Variants in PTPRN2 observed in about 807,000 individuals in gnomAD.
The protein encoded by PTPRN2 is protein tyrosine phosphatase receptor type N2.
A neutral mutation model predicts 118.8 loss-of-function variants in PTPRN2; 74 were observed. The observed-to-expected ratio is 0.62, with a 90% CI of 0.52 to 0.76. The LOEUF (loss-of-function observed/expected upper bound fraction) is 0.76. Ranked by LOEUF, PTPRN2 falls within the 30% of genes least tolerant of loss-of-function variation. The pLI, the probability that PTPRN2 is intolerant of heterozygous loss-of-function variation, is 0.00. For synonymous variants in PTPRN2, 641 were observed against 608.0 expected, an observed-to-expected ratio of 1.05 and a Z score of -0.80; for missense variants, 1,481 against 1,394.4, an observed-to-expected ratio of 1.06 and a Z score of -0.99.
intron 2 of PTPRN2, among the ~76,000 whole-genome samples, chr7:158,418,443 T>G: frequency 6.7e-6 from 1 of 150,238 alleles, no homozygotes; most frequent in South Asian, 2.1e-4. Context: ...ATGCTGTAGC[T>G]CTCAGTGTCC....
At chr7:158,382,402 C>A (rs769032448) in intron 2 of PTPRN2, among the ~76,000 whole-genome samples, 43 of 152,208 alleles carry the variant, frequency 2.8e-4, no homozygotes, top group Middle Eastern at 6.8e-3. Context: ...CCCATGAATG[C>A]GACTGTTCTC....
At chr7:158,183,681 G>T (rs1282434518) in intron 5 of PTPRN2, among the ~76,000 whole-genome samples, 1 of 152,178 alleles carries the variant, frequency 6.6e-6, no homozygotes, top group Non-Finnish European at 1.5e-5. Flanking sequence ...TAGGGTTAAG[G>T]TCCCGCCCCC....
chr7:157,744,910 C>G (rs1286723982), intron 12 of PTPRN2, among the ~76,000 whole-genome samples: 2 of 152,194 alleles, frequency 1.3e-5, no homozygotes, highest in East Asian at 1.9e-4. Flanking sequence ...GCACCCCAGT[C>G]CCCCGGCATC....
chr7:158,372,881 C>G (rs1810190281), intron 2 of PTPRN2, among the ~76,000 whole-genome samples: 1 of 152,206 alleles, frequency 6.6e-6, no homozygotes, highest in Non-Finnish European at 1.5e-5. Flanking sequence ...GATTCAGCAC[C>G]CAGGGTCCAA....
chr7:157,684,656 C>T lies in PTPRN2; in HGVS notation c.1789-1719G>A, dbSNP rs1425958625. Among the ~76,000 whole-genome samples the T allele has an allele frequency of 5.4e-5, 8 of 149,316 alleles. No individual in the cohort carries two copies. The East Asian group carries it at 1.4e-3, about 27-fold the overall frequency. Reference sequence around the variant, plus strand: ...CTTCCAGAAAGAAGTCACTCTAGAGCCGCGCGACCCAGCCCCAGAGTCCGC... The same window carrying T: ...CTTCCAGAAAGAAGTCACTCTAGAGTCGCGCGACCCAGCCCCAGAGTCCGC... On this transcript the variant is annotated intron_variant, in intron 12 of 22. Transcript: ENST00000389418.
intron 21 of PTPRN2, among the ~76,000 whole-genome samples, chr7:157,555,252 C>T (rs1798822459): frequency 6.6e-6 from 1 of 152,128 alleles, no homozygotes; most frequent in South Asian, 2.1e-4. Context: ...TGGTTAAATA[C>T]ATTTGTAAGA....
intron 2 of PTPRN2, among the ~76,000 whole-genome samples, chr7:158,441,271 T>A (rs1403141040): frequency 1.2e-5 from 1 of 84,990 alleles, no homozygotes; most frequent in Non-Finnish European, 3.0e-5. Flanking sequence ...ATGGTGATAG[T>A]GATGGTGATG....
rs372841660 is a variant in PTPRN2, at chr7:158,165,524, A to G, written c.910+1407T>C. ...ACATTCCTTCTATTTAAAAACTGCCATAACGGCTGCATGAACAAAGAAAGA... is the reference window on the plus strand; with the variant it reads ...ACATTCCTTCTATTTAAAAACTGCCGTAACGGCTGCATGAACAAAGAAAGA... On this transcript the variant is annotated intron_variant, in intron 6 of 22. Transcript: ENST00000389418. 1.9e-4 allele frequency among the ~76,000 whole-genome samples: 29 copies of G among 152,384 alleles called. 1 individual carries two copies. In the South Asian group the frequency reaches 4.6e-3, roughly 24 times the overall value.
chr7:158,387,634 C>T (rs1240051501), intron 2 of PTPRN2, among the ~76,000 whole-genome samples: 1 of 1,870 alleles, frequency 5.3e-4, no homozygotes, highest in Non-Finnish European at 1.3e-3. Flanking sequence ...CTGTGAGGCC[C>T]TGGGAAGACG....
At chr7:158,564,905 A>G (rs1235760472) in intron 1 of PTPRN2, among the ~76,000 whole-genome samples, 1 of 152,162 alleles carries the variant, frequency 6.6e-6, no homozygotes, top group East Asian at 1.9e-4. Context: ...ATCTAAGGAG[A>G]AATGTGCAAG....
chr7:157,551,783 G>C (rs1257633131), intron 21 of PTPRN2, among the ~76,000 whole-genome samples: 212 of 27,960 alleles, frequency 7.6e-3, no homozygotes, highest in Middle Eastern at 0.031. Context: ...CCCACAGCCA[G>C]CACGCACCCC....
chr7:158,277,083 G>A (rs10244848), intron 3 of PTPRN2, among the ~76,000 whole-genome samples: 1 of 152,068 alleles, frequency 6.6e-6, no homozygotes, highest in Non-Finnish European at 1.5e-5. Flanking sequence ...CAGCCCCTTC[G>A]TCAGAAGCCA....
intron 2 of PTPRN2, among the ~76,000 whole-genome samples, chr7:158,393,172 C>T (rs1004458618): frequency 6.6e-6 from 1 of 152,192 alleles, no homozygotes; most frequent in Admixed American, 6.5e-5. Flanking sequence ...ACCATCCCAT[C>T]CTGGTCACAG....
intron 12 of PTPRN2, among the ~76,000 whole-genome samples, chr7:157,694,601 G>T (rs1797678667): frequency 6.6e-6 from 1 of 152,204 alleles, no homozygotes; most frequent in African/African-American, 2.4e-5. Context: ...TTACTCGCCA[G>T]ATTTCCATTC....
chr7:158,331,740 G>A (rs1185064183), intron 2 of PTPRN2, among the ~76,000 whole-genome samples: 2 of 149,980 alleles, frequency 1.3e-5, no homozygotes, highest in African/African-American at 2.5e-5. Flanking sequence ...GCTGACACCT[G>A]CAGACGTCAC....
At chr7:157,872,251 A>ACACACG (rs1811120552) in intron 12 of PTPRN2, among the ~76,000 whole-genome samples, 1 of 128,274 alleles carries the variant, frequency 7.8e-6, no homozygotes, top group African/African-American at 3.1e-5. Context: ...CCACACACAC[A>ACACACG]TATCCAGTGT....
chr7:157,842,157 A>G (rs1307386851), intron 12 of PTPRN2, among the ~76,000 whole-genome samples: 1 of 152,134 alleles, frequency 6.6e-6, no homozygotes, highest in Non-Finnish European at 1.5e-5. Flanking sequence ...TAGAAACGGC[A>G]TTATTTGCTG....
At chr7:158,366,462 C>T (rs1809533515) in intron 2 of PTPRN2, among the ~76,000 whole-genome samples, 2 of 152,276 alleles carry the variant, frequency 1.3e-5, no homozygotes, top group South Asian at 4.1e-4. Flanking sequence ...CCCACACACC[C>T]ACAGCATCCC....
chr7:158,147,398 C>G (rs1820224560), intron 6 of PTPRN2, among the ~76,000 whole-genome samples: 1 of 49,650 alleles, frequency 2.0e-5, no homozygotes, highest in Admixed American at 1.9e-4. Flanking sequence ...CGCCACGTGT[C>G]TTTCCCCTTC....
Sources: gnomAD v4.1 joint callset for allele counts (sites outside exome capture counted in the v4.1 genomes callset) on GRCh38, gnomAD v4.1.1 for gene constraint, MANE v1.5 for transcripts, NCBI Gene and HGNC (gene_info 2026-07-23, HGNC 2026-07-21) for gene names.